SH3GL2: variants seen among roughly 807,000 people sequenced by gnomAD.
SH3GL2 encodes the protein SH3 domain containing GRB2 like 2, endophilin A1, also known as endophilin-A1.
Under a neutral mutation model 46.0 loss-of-function variants are expected in SH3GL2, and 24 were observed. The ratio of observed to expected loss-of-function variants is 0.52; its 90% CI spans 0.38 to 0.73. The LOEUF (loss-of-function observed/expected upper bound fraction) is 0.73, where lower values mean the gene tolerates loss of function less well. Among genes scored for constraint, SH3GL2 ranks in the 30% least tolerant of loss-of-function variants. SH3GL2 has a pLI of 0.00. For synonymous variants in SH3GL2, 196 were observed against 147.1 expected, an observed-to-expected ratio of 1.33 and a Z score of -2.40; for missense variants, 413 against 424.2, an observed-to-expected ratio of 0.97 and a Z score of 0.23.
intron 1 of SH3GL2, among the ~76,000 whole-genome samples, chr9:17,667,286 G>A (rs906467671): frequency 6.6e-6 from 1 of 151,994 alleles, no homozygotes; most frequent in Non-Finnish European, 1.5e-5. Flanking sequence ...TCACAAGATT[G>A]TACAGCATCA....
At chr9:17,611,727 G>T (rs567524976) in intron 1 of SH3GL2, among the ~76,000 whole-genome samples, 2 of 152,246 alleles carry the variant, frequency 1.3e-5, no homozygotes, top group Non-Finnish European at 2.9e-5. Flanking sequence ...TACTCTGGGG[G>T]CCTTGCCCTT....
chr9:17,601,855 T>C (rs1818678312), intron 1 of SH3GL2, among the ~76,000 whole-genome samples: 2 of 152,124 alleles, frequency 1.3e-5, no homozygotes, highest in South Asian at 4.1e-4. Flanking sequence ...CATCTGTCTG[T>C]GGTGGGTTTG....
At chr9:17,756,712 A>G (rs1163446052) in intron 2 of SH3GL2, among the ~76,000 whole-genome samples, 1 of 151,858 alleles carries the variant, frequency 6.6e-6, no homozygotes, top group Non-Finnish European at 1.5e-5. Context: ...CAGTTTCTTA[A>G]TCCAGTCTAT....
intron 1 of SH3GL2, among the ~76,000 whole-genome samples, chr9:17,644,875 C>T (rs1479617210): frequency 6.6e-6 from 1 of 151,878 alleles, no homozygotes; most frequent in Non-Finnish European, 1.5e-5. Flanking sequence ...TCGTGAATAT[C>T]CTTGTTAATT....
intron 1 of SH3GL2, among the ~76,000 whole-genome samples, chr9:17,715,567 C>A (rs1329831803): frequency 6.6e-6 from 1 of 151,680 alleles, no homozygotes. Context: ...CTTTAAATTT[C>A]ACTAATCATT....
intron 1 of SH3GL2, among the ~76,000 whole-genome samples, chr9:17,605,939 A>T (rs532832591): frequency 6.6e-6 from 1 of 152,288 alleles, no homozygotes; most frequent in Admixed American, 6.5e-5. Flanking sequence ...GTTTCATCAA[A>T]GTCAACACGT....
At chr9:17,691,877 A>G (rs1182391624) in intron 1 of SH3GL2, among the ~76,000 whole-genome samples, 1 of 152,200 alleles carries the variant, frequency 6.6e-6, no homozygotes, top group African/African-American at 2.4e-5. Context: ...TATTCCACAT[A>G]AACTGCCTGA....
intron 1 of SH3GL2, among the ~76,000 whole-genome samples, chr9:17,605,360 C>T (rs1451385397): frequency 6.6e-6 from 1 of 152,150 alleles, no homozygotes; most frequent in South Asian, 2.1e-4. Context: ...TTTTCACTAG[C>T]TTAGCCTTAC....
chr9:17,615,457 C>CTA (rs1276650458), intron 1 of SH3GL2, among the ~76,000 whole-genome samples: 3 of 152,018 alleles, frequency 2.0e-5, no homozygotes, highest in Non-Finnish European at 4.4e-5. Flanking sequence ...GAGATTGAGA[C>CTA]TATCCTGGCT....
chr9:17,660,188 CCAGGGCTGTGTTAAATTTGAAATA>C (rs1476316704), intron 1 of SH3GL2, among the ~76,000 whole-genome samples: 1 of 151,912 alleles, frequency 6.6e-6, no homozygotes, highest in Non-Finnish European at 1.5e-5. Flanking sequence ...CTTTCTTTGG[CCAGGGCTGTGTTAAATTTGAAATA>C]GTTTCTAACA....
chr9:17,786,573 T>A (rs543035655), intron 4 of SH3GL2, 49 bp downstream of exon 4: 1 of 1,581,276 alleles, frequency 6.3e-7, no homozygotes, highest in South Asian at 1.1e-5. Context: ...TCCATGGGGA[T>A]TTTGGTGCTG....
intron 1 of SH3GL2, among the ~76,000 whole-genome samples, chr9:17,640,688 C>G (rs937293937): frequency 5.3e-5 from 8 of 152,146 alleles, no homozygotes; most frequent in Admixed American, 4.6e-4. Context: ...CATAACACTT[C>G]TCATTTCTCG....
chr9:17,623,044 C>CCCTT (rs1563786598), intron 1 of SH3GL2, among the ~76,000 whole-genome samples: 1 of 41,420 alleles, frequency 2.4e-5, no homozygotes, highest in South Asian at 8.8e-4. Flanking sequence ...TCCTTTCCTT[C>CCCTT]CCCTTCCCCT....
At chr9:17,606,052 C>T (rs1219114399) in intron 1 of SH3GL2, among the ~76,000 whole-genome samples, 2 of 151,632 alleles carry the variant, frequency 1.3e-5, no homozygotes, top group African/African-American at 2.4e-5. Context: ...CCCTTGTCAA[C>T]CTTGACGGCG....
chr9:17,639,549 A>T (rs1214664410), intron 1 of SH3GL2, among the ~76,000 whole-genome samples: 2 of 152,260 alleles, frequency 1.3e-5, no homozygotes, highest in African/African-American at 4.8e-5. Flanking sequence ...GATGTGGAGC[A>T]ACCGGCACCT....
intron 1 of SH3GL2, among the ~76,000 whole-genome samples, chr9:17,628,598 AGAT>A (rs763899823): frequency 2.0e-5 from 3 of 152,212 alleles, no homozygotes; most frequent in Non-Finnish European, 4.4e-5. Flanking sequence ...ATTTAGAGCT[AGAT>A]GCCTTAGCAG....
At chr9:17,752,537 G>C (rs1002633074) in intron 2 of SH3GL2, among the ~76,000 whole-genome samples, 1 of 151,296 alleles carries the variant, frequency 6.6e-6, no homozygotes, top group Non-Finnish European at 1.5e-5. Flanking sequence ...TCACTCTATT[G>C]TCCAGGCTGG....
intron 1 of SH3GL2, among the ~76,000 whole-genome samples, chr9:17,667,052 T>G (rs1776202167): frequency 6.6e-6 from 1 of 152,164 alleles, no homozygotes; most frequent in Non-Finnish European, 1.5e-5. Flanking sequence ...AGATCTTCAT[T>G]TGTGAATTGT....
chr9:17,594,027 C>T (rs561656001), intron 1 of SH3GL2, among the ~76,000 whole-genome samples: 10 of 152,278 alleles, frequency 6.6e-5, no homozygotes, highest in South Asian at 4.1e-4. Flanking sequence ...CTTCTGGTCT[C>T]GTTCCCCTCT....
Sources: gnomAD v4.1 joint callset for allele counts (sites outside exome capture counted in the v4.1 genomes callset) on GRCh38, gnomAD v4.1.1 for gene constraint, MANE v1.5 for transcripts, NCBI Gene and HGNC (gene_info 2026-07-23, HGNC 2026-07-21) for gene names.